The following CA10 variants were observed in gnomAD, a reference collection of about 807,000 sequenced individuals.
The protein encoded by CA10 is carbonic anhydrase-related protein 10.
In CA10, 14 loss-of-function variants were observed where a neutral mutation model predicts 44.2. The observed-to-expected ratio is 0.32, with a 90% CI of 0.21 to 0.50. The LOEUF (loss-of-function observed/expected upper bound fraction) is 0.50, where lower values mean the gene tolerates loss of function less well. CA10 is among the 20% of genes least tolerant of loss of function. CA10 has a pLI of 0.99. For missense variants in CA10, 350 were observed against 409.7 expected, an observed-to-expected ratio of 0.85 and a Z score of 1.26; for synonymous variants, 159 against 141.6, an observed-to-expected ratio of 1.12 and a Z score of -0.87.
At chr17:51,691,701 C>T (rs1167754819) in intron 4 of CA10, among the ~76,000 whole-genome samples, 1 of 152,196 alleles carries the variant, frequency 6.6e-6, no homozygotes, top group Non-Finnish European at 1.5e-5. Context: ...AGTTTCAGGT[C>T]TTACATTTAA....
chr17:51,668,316 C>G (rs893980206), intron 4 of CA10, among the ~76,000 whole-genome samples: 3 of 151,332 alleles, frequency 2.0e-5, no homozygotes, highest in African/African-American at 4.8e-5. Flanking sequence ...TTTCTCAGTC[C>G]AGAGAGAGAG....
intron 1 of CA10, among the ~76,000 whole-genome samples, chr17:52,097,537 A>G (rs1988435141): frequency 6.6e-6 from 1 of 152,120 alleles, no homozygotes; most frequent in Admixed American, 6.5e-5. Flanking sequence ...TATTGTTGAT[A>G]TTTCTATCCA....
chr17:51,649,681 C>G (rs888763513), intron 5 of CA10, among the ~76,000 whole-genome samples: 3 of 152,114 alleles, frequency 2.0e-5, no homozygotes, highest in Admixed American at 1.3e-4. Context: ...GAGAACCAGG[C>G]ATGCTCATGC....
intron 1 of CA10, among the ~76,000 whole-genome samples, chr17:52,114,691 T>C (rs888984680): frequency 2.0e-5 from 3 of 152,170 alleles, no homozygotes; most frequent in African/African-American, 7.2e-5. Context: ...CTATAACAAG[T>C]TGGAGTTTAT....
In CA10 at chr17:51,831,713, A is replaced by AGCGGCG. The variant is rs1249181154; in HGVS notation, c.280-83896_280-83895insCGCCGC. On this transcript the variant is annotated intron_variant, in intron 3 of 8. Coordinates refer to ENST00000451037, the MANE Select transcript of CA10 (RefSeq NM_020178.5). ...CAGCAGCAGCAGCAGCAGCAGCAGC[A>AGCGGCG]GCAGCAGCAGCAGCAGCAGAAAAAG... Among the ~76,000 whole-genome samples, 8 of 106,004 alleles carry AGCGGCG rather than the reference A, an allele frequency of 7.5e-5. 1 individual carries two copies. Among genetic ancestry groups the AGCGGCG allele is most frequent in the Non-Finnish European group, 1.1e-4 (5 of 46,370 alleles). The allele number at this position is 106,004 out of a possible 152,430, so 69.5% of individuals were successfully genotyped here.
At chr17:51,761,040 C>A (rs970905185) in intron 3 of CA10, among the ~76,000 whole-genome samples, 1 of 152,194 alleles carries the variant, frequency 6.6e-6, no homozygotes, top group Non-Finnish European at 1.5e-5. Context: ...ACTGGAAGTG[C>A]AGCCTGGTCG....
intron 2 of CA10, among the ~76,000 whole-genome samples, chr17:52,008,881 A>G (rs1273076136): frequency 6.6e-6 from 1 of 151,938 alleles, no homozygotes; most frequent in South Asian, 2.1e-4. Flanking sequence ...TCTTTGTTTA[A>G]GGTTTCACCT....
At chr17:51,850,464 C>A (rs1215435667) in intron 3 of CA10, among the ~76,000 whole-genome samples, 1 of 152,116 alleles carries the variant, frequency 6.6e-6, no homozygotes, top group Non-Finnish European at 1.5e-5. Flanking sequence ...GGGTGGAGAA[C>A]AGAATGAGAT....
At chr17:51,681,801 A>G (rs963550128) in intron 4 of CA10, among the ~76,000 whole-genome samples, 5 of 152,154 alleles carry the variant, frequency 3.3e-5, no homozygotes, top group African/African-American at 1.2e-4. Context: ...CATTGTAGCC[A>G]TCAGGTAATT....
Position 51,775,172 on chromosome 17 carries a change from C to T in CA10, c.280-27354G>A, listed in dbSNP as rs554710103. On this transcript the variant is annotated intron_variant, in intron 3 of 8. Transcript: ENST00000451037. ...AGGACTGGGCCTGTGAAGCTCAGTG[C>T]CATGCTATCTGCTCTGAAAGGCCTG... 5.3e-5 allele frequency among the ~76,000 whole-genome samples: 8 copies of T among 152,300 alleles called. No homozygotes were observed. The East Asian group carries it at 7.7e-4, about 15-fold the overall frequency.
At chr17:52,086,449 A>G (rs1288463952) in intron 1 of CA10, among the ~76,000 whole-genome samples, 2 of 152,206 alleles carry the variant, frequency 1.3e-5, no homozygotes, top group Non-Finnish European at 2.9e-5. Flanking sequence ...AGGATTTTTC[A>G]AAAGTTGTTT....
At chr17:51,755,002 C>T (rs1339313504) in intron 3 of CA10, among the ~76,000 whole-genome samples, 1 of 151,758 alleles carries the variant, frequency 6.6e-6, no homozygotes, top group Non-Finnish European at 1.5e-5. Context: ...ATGATACAAA[C>T]ACATATGCAT....
At chr17:51,750,813 G>A (rs1360541196) in intron 3 of CA10, among the ~76,000 whole-genome samples, 1 of 152,212 alleles carries the variant, frequency 6.6e-6, no homozygotes, top group Admixed American at 6.5e-5. Flanking sequence ...GTGCCATTGG[G>A]CAAGTATCTT....
chr17:51,959,282 C>CTCTGTGTGTGTGTGTGTG (rs748461115), intron 2 of CA10, among the ~76,000 whole-genome samples: 1 of 134,370 alleles, frequency 7.4e-6, no homozygotes, highest in Non-Finnish European at 1.6e-5. Context: ...CTCTCTCTCT[C>CTCTGTGTGTGTGTGTGTG]TGTGTGTGTG....
chr17:51,652,524 A>G (rs2143280641), intron 5 of CA10, among the ~76,000 whole-genome samples: 1 of 152,336 alleles, frequency 6.6e-6, no homozygotes, highest in East Asian at 1.9e-4. Flanking sequence ...GGCCAGGGAT[A>G]GCAACATGCC....
intron 3 of CA10, among the ~76,000 whole-genome samples, chr17:51,926,877 G>C (rs1322997625): frequency 2.0e-5 from 3 of 152,140 alleles, no homozygotes; most frequent in African/African-American, 7.2e-5. Context: ...GACATTTTTG[G>C]AAGGGGACAT....
intron 1 of CA10, among the ~76,000 whole-genome samples, chr17:52,083,762 A>G (rs1354303830): frequency 6.6e-6 from 1 of 152,222 alleles, no homozygotes; most frequent in South Asian, 2.1e-4. Flanking sequence ...TTTATGGCTG[A>G]GTAGTATTCC....
intron 1 of CA10, among the ~76,000 whole-genome samples, chr17:52,090,488 T>C: frequency 6.6e-6 from 1 of 152,068 alleles, no homozygotes. Flanking sequence ...ACGGTGTAAA[T>C]ATCAAAATCT....
intron 3 of CA10, among the ~76,000 whole-genome samples, chr17:51,835,213 A>G (rs1478990617): frequency 6.6e-6 from 1 of 152,180 alleles, no homozygotes; most frequent in Non-Finnish European, 1.5e-5. Flanking sequence ...TCCCACTGGA[A>G]GAGTTAAGAG....
Sources: gnomAD v4.1 joint callset for allele counts (sites outside exome capture counted in the v4.1 genomes callset) on GRCh38, gnomAD v4.1.1 for gene constraint, MANE v1.5 for transcripts, NCBI Gene and HGNC (gene_info 2026-07-23, HGNC 2026-07-21) for gene names.